CTTN: variants seen among roughly 807,000 people sequenced by gnomAD.
CTTN encodes src substrate cortactin.
A neutral mutation model predicts 84.0 loss-of-function variants in CTTN; 28 were observed. That is an observed-to-expected ratio of 0.33 (90% CI 0.25 to 0.46). The LOEUF (loss-of-function observed/expected upper bound fraction) is 0.46, where lower values mean the gene tolerates loss of function less well. CTTN is among the 20% of genes least tolerant of loss of function. CTTN has a pLI of 1.00. For synonymous variants in CTTN, 301 were observed against 288.8 expected (o/e 1.04, Z -0.43); for missense variants, 641 against 723.8 (o/e 0.89, Z 1.31).
intron 8 of CTTN, among the ~76,000 whole-genome samples, chr11:70,418,338 A>G (rs1291107860): frequency 6.6e-6 from 1 of 152,210 alleles, no homozygotes; most frequent in Non-Finnish European, 1.5e-5. Context: ...GGAACAGTCC[A>G]TTCCTCCTCT....
At chr11:70,404,670 C>T (rs766979398) in intron 1 of CTTN, among the ~76,000 whole-genome samples, 6 of 152,190 alleles carry the variant, frequency 3.9e-5, no homozygotes, top group Non-Finnish European at 5.9e-5. Context: ...TAAATGCATA[C>T]TAGCAATTAA....
chr11:70,418,867 TC>T (rs1391130262), intron 8 of CTTN, among the ~76,000 whole-genome samples: 1 of 151,022 alleles, frequency 6.6e-6, no homozygotes, highest in African/African-American at 2.4e-5. Context: ...ACCTCCTCCT[TC>T]CGGGTTCAAA....
chr11:70,417,325 C>T (rs2058175572), intron 8 of CTTN, among the ~76,000 whole-genome samples: 1 of 152,158 alleles, frequency 6.6e-6, no homozygotes, highest in Admixed American at 6.5e-5. Context: ...TCCATGTAAC[C>T]ATTCCTTTTT....
At position 70,419,775 on chromosome 11, in the gene CTTN, G is replaced by C; in HGVS notation, c.598G>C (p.Gly200Arg). The change falls in exon 9 of 18, where the codon GGT becomes CGT. Residue 200 changes from glycine (G) to arginine (R), a missense_variant. Around this residue, in one of 3 missense-constraint regions of CTTN, gnomAD observed 284 missense variants for 348.4 expected, o/e 0.82. Coordinates refer to ENST00000301843, the MANE Select transcript of CTTN (RefSeq NM_005231.4). ...CTCCAAAGGTTTCGGCGGCAAATAC[G>C]GTATCGACAAGGACAAAGTGGATAA... is the stretch of plus-strand genomic sequence containing the variant. ...DYSKGFGGKY[G>R]IDKDKVDKSA... is the part of the protein sequence containing the mutation. 6.2e-7 allele frequency: 1 copy of C among 1,611,318 alleles called. No homozygotes were observed. The highest frequency in any genetic ancestry group is 8.5e-7 in the Non-Finnish European group (1 of 1,179,430).
At chr11:70,431,558 A>G (rs1467221216) in intron 15 of CTTN, among the ~76,000 whole-genome samples, 1 of 152,074 alleles carries the variant, frequency 6.6e-6, no homozygotes, top group Non-Finnish European at 1.5e-5. Flanking sequence ...TCCCTGCTGT[A>G]GTCACCTGCT....
In CTTN at chr11:70,424,037, G is replaced by A. The variant is rs115234808; in HGVS notation, c.957+1042G>A. Among the ~76,000 whole-genome samples the A allele has an allele frequency of 2.8e-3, 433 of 152,268 alleles. 4 individuals carry two copies. The highest frequency in any genetic ancestry group is 9.9e-3 in the African/African-American group (412 of 41,536). ...GCAGTCGGGTGGATGTGGGGTGGAC[G>A]TGGGGCCAACTGTGGAGCCGAAGAA... On this transcript the variant is annotated intron_variant, in intron 12 of 17. Transcript: ENST00000301843.
Position 70,399,578 on chromosome 11 carries a change from G to T in CTTN, c.-98+964G>T, listed in dbSNP as rs577715183. On this transcript the variant is annotated intron_variant, in intron 1 of 17. Coordinates refer to ENST00000301843, the MANE Select transcript of CTTN (RefSeq NM_005231.4). ...AAATTTGGAACCGTCCCTCCTTCGG[G>T]GTGTGTTTAAAATCACCAGAACGGT... Among the ~76,000 whole-genome samples the T allele has an allele frequency of 3.3e-5, 5 of 152,188 alleles. No individual in the cohort carries two copies. The South Asian group carries it at 1.0e-3, about 32-fold the overall frequency.
intron 1 of CTTN, among the ~76,000 whole-genome samples, chr11:70,401,302 C>T (rs2057975913): frequency 7.1e-6 from 1 of 141,232 alleles, no homozygotes; most frequent in African/African-American, 2.9e-5. Context: ...AACACCGTCT[C>T]TACTAAAAAA....
At chr11:70,398,764 G>A (rs2057939337) in intron 1 of CTTN, 150 bp downstream of exon 1, 1 of 152,120 alleles carries the variant, frequency 6.6e-6, no homozygotes, top group Admixed American at 6.6e-5. Context: ...GGGCAGAGTG[G>A]CGAGGCTTTC....
At chr11:70,403,005 G>T (rs1175611033) in intron 1 of CTTN, among the ~76,000 whole-genome samples, 1 of 151,952 alleles carries the variant, frequency 6.6e-6, no homozygotes, top group Non-Finnish European at 1.5e-5. Flanking sequence ...CATCCTAGTG[G>T]GTATGAGGTG....
At chr11:70,433,764 C>T (rs752644200) in intron 17 of CTTN, 46 bp downstream of exon 17, 41 of 1,212,160 alleles carry the variant, frequency 3.4e-5, no homozygotes, top group Middle Eastern at 1.9e-4. Context: ...CAGGCAGCTG[C>T]GCCTGCCTCT....
rs267603163 is a variant in CTTN, at chr11:70,435,118, C to T, written c.1609C>T (p.Arg537Trp). The change falls in exon 18 of 18, where the codon CGG becomes TGG. Residue 537 changes from arginine (R) to tryptophan (W), a missense_variant. Arg to Trp is a moderately radical substitution (Grantham distance 101, BLOSUM62 -3). This residue lies in a region of CTTN where 68 missense variants were observed against 102.2 expected (regional missense o/e 0.67). Coordinates refer to ENST00000301843, the MANE Select transcript of CTTN (RefSeq NM_005231.4). ...CTGGTGGCGCGGGGTGTGCAAGGGC[C>T]GGTACGGGCTCTTCCCAGCCAACTA... The part of the protein sequence containing the change: ...DGWWRGVCKG[R>W]YGLFPANYVE... 4.3e-6 allele frequency: 7 copies of T among 1,613,582 alleles called. No individual in the cohort carries two copies. The highest frequency in any genetic ancestry group is 3.3e-5 in the South Asian group (3 of 91,074).
chr11:70,433,990 A>G (rs912063695), intron 17 of CTTN, among the ~76,000 whole-genome samples: 2 of 152,146 alleles, frequency 1.3e-5, no homozygotes, highest in Non-Finnish European at 2.9e-5. Context: ...GCCACCCCCA[A>G]AGACTCCAGC....
Position 70,422,709 on chromosome 11 carries a change from A to T in CTTN, c.902-231A>T, listed in dbSNP as rs549562372. The T allele has an allele frequency of 3.4e-4, 491 of 1,440,572 alleles. 2 individuals are homozygous for T. The highest frequency in any genetic ancestry group is 8.7e-4 in the Admixed American group (41 of 47,162). 89.2% of individuals were successfully genotyped at this position (1,440,572 alleles called of 1,614,324 possible). A position where few individuals can be genotyped will look rare whatever the true frequency, so the allele number is the denominator to read the frequency against. ...CTCCTGCCCCTCCTGCCCCTCAGGG[A>T]ATGCTGAAGCCTCTGCCCCTGGCCT... On this transcript the variant is annotated intron_variant, in intron 11 of 17. Coordinates refer to ENST00000301843, the MANE Select transcript of CTTN (RefSeq NM_005231.4).
chr11:70,422,613 G>T, intron 11 of CTTN: 1 of 1,338,964 alleles, frequency 7.5e-7, no homozygotes, highest in South Asian at 1.2e-5. Flanking sequence ...CTGTGCTATT[G>T]AAGTGGCGCG....
chr11:70,422,970 G>A lies in CTTN; in HGVS notation c.932G>A (p.Gly311Glu). The A allele has an allele frequency of 6.2e-7, 1 of 1,614,058 alleles. No homozygotes were observed. Among genetic ancestry groups the A allele is most frequent in the Non-Finnish European group, 8.5e-7 (1 of 1,179,998 alleles). ...DYSKGFGGKYGVQKDRMDKNA... is the reference protein window; with the variant it reads ...DYSKGFGGKYEVQKDRMDKNA... ...TCCAAAGGATTCGGCGGGAAGTATG[G>A]GGTGCAGAAGGATCGGATGGATAAG... is the stretch of plus-strand genomic sequence containing the variant. Residue 311 changes from glycine to glutamate, a missense_variant, in exon 12 of 18, where the codon GGG (glycine) becomes GAG (glutamate). Gly to Glu is a moderately conservative substitution (Grantham distance 98, BLOSUM62 -2). This residue lies in a region of CTTN where 289 missense variants were observed against 273.1 expected (regional missense o/e 1.06). Coordinates refer to ENST00000301843, the MANE Select transcript of CTTN (RefSeq NM_005231.4).
At chr11:70,430,947 C>T (rs561869213) in intron 14 of CTTN, among the ~76,000 whole-genome samples, 90 of 151,916 alleles carry the variant, frequency 5.9e-4, no homozygotes, top group Non-Finnish European at 8.5e-4. Context: ...CCCTGCCCCT[C>T]GGATCCTGCC....
chr11:70,433,304 C>T, intron 16 of CTTN, 26 bp downstream of exon 16: 1 of 1,584,572 alleles, frequency 6.3e-7, no homozygotes, highest in South Asian at 1.1e-5. Flanking sequence ...GCTGCAGCGC[C>T]CTGCCCAGGG....
At chr11:70,405,807 G>C (rs1350948698) in intron 2 of CTTN, among the ~76,000 whole-genome samples, 2 of 152,184 alleles carry the variant, frequency 1.3e-5, no homozygotes, top group Non-Finnish European at 1.5e-5. Flanking sequence ...CTTTGCCTTG[G>C]GGGTGAAGGT....
Sources: gnomAD v4.1 joint callset for allele counts (sites outside exome capture counted in the v4.1 genomes callset) on GRCh38, gnomAD v4.1.1 for gene constraint, gnomAD v4.1.1 regional missense constraint, MANE v1.5 for transcripts, NCBI Gene and HGNC (gene_info 2026-07-23, HGNC 2026-07-21) for gene names.